Variants in UGGT2 observed in about 807,000 individuals in gnomAD.
UGGT2 encodes the protein UDP-glucose glycoprotein glucosyltransferase 2.
Under a neutral mutation model 192.1 loss-of-function variants are expected in UGGT2, and 180 were observed. The ratio of observed to expected loss-of-function variants is 0.94; its 90% confidence interval spans 0.83 to 1.06. UGGT2 has a LOEUF of 1.06. Ranked by LOEUF, UGGT2 falls within the 50% of genes least tolerant of loss-of-function variation. The pLI is 0.00. For synonymous variants in UGGT2, 580 were observed against 591.0 expected, an observed-to-expected ratio of 0.98 and a Z score of 0.27; for missense variants, 1,849 against 1,795.7, an observed-to-expected ratio of 1.03 and a Z score of -0.54.
At chr13:95,902,510 A>G (rs1391699370) in intron 21 of UGGT2, among the ~76,000 whole-genome samples, 1 of 151,142 alleles carries the variant, frequency 6.6e-6, no homozygotes, top group Non-Finnish European at 1.5e-5. Context: ...CTTCAAGAGG[A>G]TCATCGTTGA....
intron 2 of UGGT2, among the ~76,000 whole-genome samples, chr13:96,025,825 C>T (rs1434058514): frequency 2.0e-5 from 3 of 151,826 alleles, no homozygotes; most frequent in East Asian, 1.9e-4. Context: ...GAAAATAATA[C>T]TAGAAAATAC....
intron 2 of UGGT2, among the ~76,000 whole-genome samples, chr13:96,031,242 A>C (rs1566843227): frequency 6.6e-6 from 1 of 152,228 alleles, no homozygotes; most frequent in Non-Finnish European, 1.5e-5. Flanking sequence ...TTAAAAAAGA[A>C]AAAAATGTAC....
At chr13:95,882,154 C>A (rs2047513669) in intron 27 of UGGT2, among the ~76,000 whole-genome samples, 1 of 151,980 alleles carries the variant, frequency 6.6e-6, no homozygotes, top group African/African-American at 2.4e-5. Context: ...ATGATCCACC[C>A]ACGTTGGCCT....
At chr13:95,964,192 A>G (rs2050493029) in intron 12 of UGGT2, among the ~76,000 whole-genome samples, 1 of 152,210 alleles carries the variant, frequency 6.6e-6, no homozygotes, top group South Asian at 2.1e-4. Context: ...ATTTTTGATA[A>G]AGGTGCCAAG....
rs1484956164 is a variant in UGGT2, at chr13:96,023,702, T to C, written c.299A>G (p.Asn100Ser). 6.2e-6 allele frequency: 10 copies of C among 1,611,670 alleles called. No homozygotes were observed. Among genetic ancestry groups the C allele is most frequent in the Non-Finnish European group, 7.6e-6 (9 of 1,178,418 alleles). ...AAACTTTAAAAGGTTGATGTGTAAA[T>C]TGTCTAGAAACTGTCCAGCTTTCTT... ...ILKKAGQFLD[N>S]LHINLLKFAF... is the part of the protein sequence containing the mutation. Residue 100 changes from asparagine (N) to serine (S), a missense_variant, in exon 3 of 39, where the codon AAT (asparagine) becomes AGT (serine). By Grantham distance (46) the Asn-to-Ser change is conservative (BLOSUM62 1). Coordinates refer to ENST00000376747, the MANE Select transcript of UGGT2 (RefSeq NM_020121.4).
chr13:96,003,065 A>G (rs1057018787), intron 5 of UGGT2, among the ~76,000 whole-genome samples: 6 of 152,140 alleles, frequency 3.9e-5, no homozygotes, highest in Admixed American at 6.5e-5. Context: ...TCCATCCTGG[A>G]CAGCTATCCT....
At chr13:95,835,681 T>A (rs1238515716) in intron 37 of UGGT2, among the ~76,000 whole-genome samples, 1 of 152,188 alleles carries the variant, frequency 6.6e-6, no homozygotes, top group East Asian at 1.9e-4. Flanking sequence ...TCAGTGAAGA[T>A]CTTGTAAACA....
At chr13:96,007,901 A>C (rs147642642) in intron 5 of UGGT2, among the ~76,000 whole-genome samples, 137 of 152,234 alleles carry the variant, frequency 9.0e-4, no homozygotes, top group East Asian at 6.6e-3. Flanking sequence ...TTTGGAACCA[A>C]CTCATCTTCG....
At position 95,903,000 on chromosome 13, in the gene UGGT2, CTTCAT is replaced by C; in HGVS notation, c.2351_2355del (p.Asn784ArgfsTer7). The stretch of plus-strand genomic sequence containing the variant: ...ATTCCTCTAGAAATAGCTGTGTTCT[CTTCAT>C]TTATTTTTGATGTAGGATTATAAAT... On this transcript the variant is annotated frameshift_variant, in exon 21 of 39. Transcript: ENST00000376747. LOFTEE classifies it high-confidence loss of function. 1 of 1,613,182 alleles carries C rather than the reference CTTCAT, an allele frequency of 6.2e-7. No homozygotes were observed.
chr13:95,831,298 T>C (rs1886659756), intron 38 of UGGT2, among the ~76,000 whole-genome samples: 1 of 152,008 alleles, frequency 6.6e-6, no homozygotes, highest in Admixed American at 6.6e-5. Context: ...AAAATCTCTT[T>C]TGTAAAACTT....
rs781672798 is a variant in UGGT2, at chr13:96,044,876, G to A, written c.158+8279C>T. 7.2e-5 allele frequency among the ~76,000 whole-genome samples: 11 copies of A among 152,098 alleles called. No individual in the cohort carries two copies. In the East Asian group the frequency reaches 9.7e-4, roughly 13 times the overall value. On this transcript the variant is annotated intron_variant, in intron 1 of 38. Coordinates refer to ENST00000376747, the MANE Select transcript of UGGT2 (RefSeq NM_020121.4). ...AATAAAAAATTGTCAACATAAAAAC[G>A]TCCAGGACCAGACATATTCACAGCC...
At chr13:95,928,399 G>A (rs995463871) in intron 17 of UGGT2, among the ~76,000 whole-genome samples, 1 of 151,776 alleles carries the variant, frequency 6.6e-6, no homozygotes, top group African/African-American at 2.4e-5. Context: ...CTTCCCGGAC[G>A]GGGCGGCTGC....
intron 9 of UGGT2, among the ~76,000 whole-genome samples, chr13:95,985,882 A>G (rs1316938366): frequency 6.6e-6 from 1 of 152,152 alleles, no homozygotes; most frequent in Non-Finnish European, 1.5e-5. Flanking sequence ...TACTCCACAC[A>G]ATATTCATCC....
intron 7 of UGGT2, 127 bp downstream of exon 7, chr13:95,995,936 G>GT: frequency 1.3e-6 from 1 of 763,864 alleles, no homozygotes. Context: ...AAAAACAATC[G>GT]TATGTGTGTG....
rs144167293 is a variant in UGGT2 at position 95,980,670 on chromosome 13, G to T, written c.1092+3134C>A. The stretch of plus-strand genomic sequence containing the variant: ...CTTGGTTTTTAACTAAAGCCTTTGC[G>T]CCCTCTAGTGGGAAGATGGAGCAGC... On this transcript the variant is annotated intron_variant, in intron 10 of 38. Coordinates refer to ENST00000376747, the MANE Select transcript of UGGT2 (RefSeq NM_020121.4). Among the ~76,000 whole-genome samples, 244 of 152,260 alleles carry T rather than the reference G, an allele frequency of 1.6e-3. 3 individuals are homozygous for T. Among genetic ancestry groups the T allele is most frequent in the African/African-American group, 5.7e-3 (238 of 41,552 alleles).
At position 96,013,501 on chromosome 13, in the gene UGGT2, C is replaced by A; in HGVS notation, c.486-20G>T. ...CTAGTCCTAAGATAAAAGCAAAACA[C>A]AAAGTTTTGAAAAAACTGAAAGTTA... is the stretch of plus-strand genomic sequence containing the variant. On this transcript the variant is annotated intron_variant, in intron 4 of 38. Coordinates refer to ENST00000376747, the MANE Select transcript of UGGT2 (RefSeq NM_020121.4). 6.8e-7 allele frequency: 1 copy of A among 1,472,968 alleles called. No individual in the cohort carries two copies. The highest frequency in any genetic ancestry group is 9.0e-7 in the Non-Finnish European group (1 of 1,111,138). The allele number at this position is 1,472,968 out of a possible 1,614,324, so 91.2% of individuals were successfully genotyped here.
chr13:95,931,788 C>T (rs1594366827), intron 17 of UGGT2, among the ~76,000 whole-genome samples: 1 of 152,132 alleles, frequency 6.6e-6, no homozygotes, highest in Admixed American at 6.5e-5. Flanking sequence ...ATGAACGTGG[C>T]GCGGAGCCCT....
chr13:95,966,783 T>C (rs945455685), intron 12 of UGGT2, among the ~76,000 whole-genome samples: 1 of 152,188 alleles, frequency 6.6e-6, no homozygotes, highest in African/African-American at 2.4e-5. Flanking sequence ...AAGAACATGA[T>C]GAAAAAAATT....
intron 10 of UGGT2, among the ~76,000 whole-genome samples, chr13:95,973,870 T>C (rs2050854317): frequency 6.6e-6 from 1 of 152,240 alleles, no homozygotes; most frequent in Non-Finnish European, 1.5e-5. Flanking sequence ...TTTGCTATAG[T>C]TTAAATGTAA....
Sources: gnomAD v4.1 joint callset for allele counts (sites outside exome capture counted in the v4.1 genomes callset) on GRCh38, gnomAD v4.1.1 for gene constraint, MANE v1.5 for transcripts, NCBI Gene and HGNC (gene_info 2026-07-23, HGNC 2026-07-21) for gene names.